RUSC1: variants seen among roughly 807,000 people sequenced by gnomAD.
RUSC1 encodes RUN and SH3 domain containing 1.
A neutral mutation model predicts 72.1 loss-of-function variants in RUSC1; 40 were observed. The ratio of observed to expected loss-of-function variants is 0.55; its 90% CI spans 0.43 to 0.72. RUSC1 has a LOEUF of 0.72. Among genes scored for constraint, RUSC1 ranks in the 30% least tolerant of loss-of-function variants. The pLI is 0.00. For synonymous variants in RUSC1, 512 were observed against 494.2 expected (o/e 1.04, Z -0.48); for missense variants, 1,092 against 1,172.3 (o/e 0.93, Z 1.00).
intron 9 of RUSC1, among the ~76,000 whole-genome samples, chr1:155,329,953 GAAAAAAAAAAA>G (rs1025418792): frequency 2.2e-5 from 1 of 45,974 alleles, no homozygotes; most frequent in Non-Finnish European, 4.9e-5. Context: ...TCTGTCTCAA[GAAAAAAAAAAA>G]AAAAAAAAAA....
At position 155,321,729 on chromosome 1, in the gene RUSC1, C is replaced by T. The variant is rs1444821540; in HGVS notation, c.-45C>T. The T allele has an allele frequency of 5.6e-6, 9 of 1,610,332 alleles. No individual in the cohort carries two copies. The highest frequency in any genetic ancestry group is 7.6e-6 in the Non-Finnish European group (9 of 1,177,720). ...GCCAGGTAGGTGGATGTGAGAGACC[C>T]TACCCTTCTGGTTCTCTAGAAGCCA... is the stretch of plus-strand genomic sequence containing the variant. On this transcript the variant is annotated 5_prime_UTR_variant, in exon 2 of 10. Transcript: ENST00000368352.
intron 2 of RUSC1, chr1:155,324,326 T>G (rs1570895482): frequency 1.3e-6 from 2 of 1,586,390 alleles, no homozygotes. Context: ...GGGACCCGGG[T>G]TTCCCCTTTC....
chr1:155,324,513 C>A (rs763782383), intron 2 of RUSC1: 1 of 1,605,282 alleles, frequency 6.2e-7, no homozygotes, highest in South Asian at 1.1e-5. Context: ...CGTCCTCTCC[C>A]GCCCTACAGG....
In RUSC1 at chr1:155,325,322, T is replaced by G. The variant is rs754437891; in HGVS notation, c.1540T>G (p.Leu514Val). The G allele has an allele frequency of 1.9e-6, 3 of 1,602,694 alleles. No individual in the cohort carries two copies. The highest frequency in any genetic ancestry group is 4.5e-5 in the East Asian group (2 of 44,808). Residue 514 changes from leucine to valine, a missense_variant, in exon 5 of 10, where the codon TTG becomes GTG. By Grantham distance (32) the Leu-to-Val change is conservative. Coordinates refer to ENST00000368352, the MANE Select transcript of RUSC1 (RefSeq NM_001105203.2). This position sits in a 1 kb window ranked among gnomAD's most constrained non-coding sequence, Gnocchi z 6.5. The part of the protein sequence containing the change: ...AARNLVQKAQ[L>V]GDSRLSPDVG... ...GGCATCGCGCCACCTCCAGGCCCAG[T>G]TGGGTGATAGCCGGCTGAGCCCGGA...
In RUSC1 at chr1:155,325,282, A is replaced by C. The variant is rs759694823; in HGVS notation, c.1534-34A>C. 9.7e-5 allele frequency: 155 copies of C among 1,605,882 alleles called. No homozygotes were observed. The East Asian group carries it at 3.0e-3, about 31-fold the overall frequency. On this transcript the variant is annotated intron_variant, in intron 4 of 9. Coordinates refer to ENST00000368352, the MANE Select transcript of RUSC1 (RefSeq NM_001105203.2). The surrounding 1 kb of genome is among the most constrained non-coding windows in gnomAD (Gnocchi z 6.5). ...AGGTGGCTGGGAGGTGTCTGGAGGG[A>C]TCTCTGGAGCCATCGGCATCGCGCC...
rs1650739814 is a variant in RUSC1, at chr1:155,322,888, AG to A, written c.1117del (p.Glu373AsnfsTer48). Reference sequence around the variant, plus strand: ...CCTCCTCGGGAAGTCACCACCTTCAAGGAACTCCGGTCCCGAAGCCGGGCCC... The same window carrying A: ...CCTCCTCGGGAAGTCACCACCTTCAAGAACTCCGGTCCCGAAGCCGGGCCC... ...SAPPREVTTFKELRSRSRAPA... is the reference protein window; with the variant it reads ...SAPPREVTTFXELRSRSRAPA... On this transcript the variant is annotated frameshift_variant, in exon 2 of 10. Coordinates refer to ENST00000368352, the MANE Select transcript of RUSC1 (RefSeq NM_001105203.2). LOFTEE classifies it high-confidence loss of function. The A allele has an allele frequency of 6.2e-7, 1 of 1,611,086 alleles. No homozygotes were observed. The highest frequency in any genetic ancestry group is 1.7e-5 in the Admixed American group (1 of 59,878).
Position 155,323,127 on chromosome 1 carries a change from G to T in RUSC1, c.1354G>T (p.Glu452Ter), listed in dbSNP as rs1650796323. Residue 452 changes from glutamate to a stop codon, truncating the protein, a stop_gained, in exon 2 of 10, where the codon GAG (glutamate) becomes TAG (stop). Transcript: ENST00000368352. LOFTEE classifies it high-confidence loss of function. Reference sequence around the variant, plus strand: ...GGAGCCGGGCGCGCAGGCCGGCCTGGAGGGTAAGAGGTCGCAAGAAGCGGG... The same window carrying T: ...GGAGCCGGGCGCGCAGGCCGGCCTGTAGGGTAAGAGGTCGCAAGAAGCGGG... ...AKEPGAQAGL[E>*]VRSSWSFAGV... 3 of 1,409,652 alleles carry T rather than the reference G, an allele frequency of 2.1e-6. No individual in the cohort carries two copies. 87.3% of individuals were successfully genotyped at this position (1,409,652 alleles called of 1,614,324 possible). A position where few individuals can be genotyped will look rare whatever the true frequency, so the allele number is the denominator to read the frequency against.
At position 155,322,893 on chromosome 1, in the gene RUSC1, C is replaced by T. The variant is rs565621718; in HGVS notation, c.1120C>T (p.Leu374Phe). The change falls in exon 2 of 10, where the codon CTC (leucine) becomes TTC (phenylalanine). Residue 374 changes from leucine to phenylalanine, a missense_variant. Coordinates refer to ENST00000368352, the MANE Select transcript of RUSC1 (RefSeq NM_001105203.2). ...TCGGGAAGTCACCACCTTCAAGGAACTCCGGTCCCGAAGCCGGGCCCCAGC... is the reference window on the plus strand; with the variant it reads ...TCGGGAAGTCACCACCTTCAAGGAATTCCGGTCCCGAAGCCGGGCCCCAGC... The part of the protein sequence containing the change: ...PPREVTTFKE[L>F]RSRSRAPAPP... 1.2e-6 allele frequency: 2 copies of T among 1,609,076 alleles called. No homozygotes were observed. The highest frequency in any genetic ancestry group is 1.3e-5 in the African/African-American group (1 of 74,988).
chr1:155,330,401 A>C lies in RUSC1; in HGVS notation c.2541-2A>C, dbSNP rs1341873599. The stretch of plus-strand genomic sequence containing the variant: ...CCAGTATCTTCCTCTGGCTCCCCTC[A>C]GGGCAGTGCGGGCTCTCTGTGATCA... On this transcript the variant is annotated splice_acceptor_variant, in intron 9 of 9. Transcript: ENST00000368352. LOFTEE classifies it high-confidence loss of function. 2 of 1,612,318 alleles carry C rather than the reference A, an allele frequency of 1.2e-6. No homozygotes were observed. Among genetic ancestry groups the C allele is most frequent in the Non-Finnish European group, 1.7e-6 (2 of 1,180,000 alleles).
Position 155,324,908 on chromosome 1 carries a change from A to C in RUSC1, c.1421A>C (p.Gln474Pro), listed in dbSNP as rs765528148. 2.5e-6 allele frequency: 4 copies of C among 1,614,096 alleles called. No individual in the cohort carries two copies. Among genetic ancestry groups the C allele is most frequent in the Non-Finnish European group, 3.4e-6 (4 of 1,180,030 alleles). ...GAQRLWMAEA[Q>P]SGTGQLQEQK... ...CAGCGGCTGTGGATGGCAGAAGCCCAGAGTGGGACTGGTCAGCTGCAGGAG... is the reference window on the plus strand; with the variant it reads ...CAGCGGCTGTGGATGGCAGAAGCCCCGAGTGGGACTGGTCAGCTGCAGGAG... The change falls in exon 3 of 10, where the codon CAG (glutamine) becomes CCG (proline). Residue 474 changes from glutamine to proline, a missense_variant. Coordinates refer to ENST00000368352, the MANE Select transcript of RUSC1 (RefSeq NM_001105203.2).
intron 1 of RUSC1, chr1:155,321,360 C>A (rs377104170): frequency 1.9e-5 from 26 of 1,377,354 alleles, no homozygotes; most frequent in Non-Finnish European, 1.8e-5. Flanking sequence ...AAGGGGTAGG[C>A]TGGAGGGCAG....
rs769920357 is a variant in RUSC1 at position 155,320,936 on chromosome 1, G to A, written c.-142G>A. On this transcript the variant is annotated 5_prime_UTR_variant, in exon 1 of 10. Transcript: ENST00000368352. ...CTCCCGCTCTGTGCCCCGCCGGGCG[G>A]GGACCGTGGGAGCCGCGGACAAGCC... The A allele has an allele frequency of 3.2e-6, 5 of 1,572,122 alleles. No individual in the cohort carries two copies. Among genetic ancestry groups the A allele is most frequent in the South Asian group, 2.2e-5 (2 of 89,208 alleles).
chr1:155,326,294 C>T lies in RUSC1; in HGVS notation c.1862-286C>T, dbSNP rs116255927. On this transcript the variant is annotated intron_variant, in intron 7 of 9. Transcript: ENST00000368352. The surrounding 1 kb of genome is among the most constrained non-coding windows in gnomAD (Gnocchi z 4.7). ...TACCCTCGGACTAGGCCAACCCCCACGCCTCATTTTGTATGTGCTTCTATG... is the reference window on the plus strand; with the variant it reads ...TACCCTCGGACTAGGCCAACCCCCATGCCTCATTTTGTATGTGCTTCTATG... 1.5e-5 allele frequency: 8 copies of T among 550,884 alleles called. No homozygotes were observed. The highest frequency in any genetic ancestry group is 5.6e-5 in the African/African-American group (3 of 53,140). The allele number at this position is 550,884 out of a possible 1,614,324, so 34.1% of individuals were successfully genotyped here. A position where few individuals can be genotyped will look rare whatever the true frequency, so the allele number is the denominator to read the frequency against.
At chr1:155,330,251 T>A in intron 9 of RUSC1, 152 bp from the exon 10 acceptor site, 1 of 735,552 alleles carries the variant, frequency 1.4e-6, no homozygotes, top group South Asian at 1.9e-5. Flanking sequence ...CCAGATAGAA[T>A]CACCAAGTTG....
At chr1:155,323,251 C>A in intron 2 of RUSC1, 121 bp downstream of exon 2, 1 of 1,137,200 alleles carries the variant, frequency 8.8e-7, no homozygotes, top group Non-Finnish European at 1.2e-6. Flanking sequence ...GCCCCTTCTA[C>A]CAGGGAGCGC....
rs767979488 is a variant in RUSC1, at chr1:155,325,068, C to T, written c.1457-34C>T. The T allele has an allele frequency of 4.3e-6, 7 of 1,614,052 alleles. No homozygotes were observed. The highest frequency in any genetic ancestry group is 5.1e-6 in the Non-Finnish European group (6 of 1,180,018). On this transcript the variant is annotated intron_variant, in intron 3 of 9. Coordinates refer to ENST00000368352, the MANE Select transcript of RUSC1 (RefSeq NM_001105203.2). The surrounding 1 kb of genome is among the most constrained non-coding windows in gnomAD (Gnocchi z 6.5). Reference sequence around the variant, plus strand: ...CGGGCAAGCCTGGGTAGGGGCGCGGCCTCCTAGCGTCTTCCCTTTCCCACT... The same window carrying T: ...CGGGCAAGCCTGGGTAGGGGCGCGGTCTCCTAGCGTCTTCCCTTTCCCACT...
In RUSC1 at chr1:155,330,832, T is replaced by A. The variant is rs1015708642; in HGVS notation, c.*261T>A. The A allele has an allele frequency of 5.8e-6, 2 of 344,808 alleles. No homozygotes were observed. Among genetic ancestry groups the A allele is most frequent in the Non-Finnish European group, 1.1e-5 (2 of 188,492 alleles). The allele number at this position is 344,808 out of a possible 1,614,324, so 21.4% of individuals were successfully genotyped here. On this transcript the variant is annotated 3_prime_UTR_variant, in exon 10 of 10. Coordinates refer to ENST00000368352, the MANE Select transcript of RUSC1 (RefSeq NM_001105203.2). ...TTTTTCCCGTCTATATAAGGGAATG[T>A]CTTCCTTCCTATCTATCTGCAAAAT...
chr1:155,322,902 C>A lies in RUSC1; in HGVS notation c.1129C>A (p.Arg377=). 6.3e-7 allele frequency: 1 copy of A among 1,595,096 alleles called. No homozygotes were observed. Among genetic ancestry groups the A allele is most frequent in the South Asian group, 1.1e-5 (1 of 88,426 alleles). ...CACCACCTTCAAGGAACTCCGGTCC[C>A]GAAGCCGGGCCCCAGCCCCGCCAGT... ...EVTTFKELRS[R]SRAPAPPVPP... is the part of the protein sequence containing the mutation. The change falls in exon 2 of 10, where the codon CGA becomes AGA. Residue 377 remains arginine (R), a synonymous_variant. Coordinates refer to ENST00000368352, the MANE Select transcript of RUSC1 (RefSeq NM_001105203.2).
At chr1:155,323,168 C>CG in intron 2 of RUSC1, 38 bp downstream of exon 2, 1 of 1,397,578 alleles carries the variant, frequency 7.2e-7, no homozygotes, top group African/African-American at 1.5e-5. Flanking sequence ...GGCTGGGCTT[C>CG]GGCCGCTCAC....
Sources: allele counts gnomAD v4.1 joint callset (sites outside exome capture counted in the v4.1 genomes callset), GRCh38; gene constraint gnomAD v4.1.1; non-coding constraint Gnocchi (gnomAD v3.1); transcripts MANE v1.5; gene names NCBI Gene and HGNC (gene_info 2026-07-23, HGNC 2026-07-21).